The following ARHGEF37 variants were observed in gnomAD, a reference collection of about 807,000 sequenced individuals.
ARHGEF37 encodes the protein Rho guanine nucleotide exchange factor (GEF) 37.
ARHGEF37 carries 55 observed loss-of-function variants against 71.1 expected under a neutral mutation model. The ratio of observed to expected loss-of-function variants is 0.77; its 90% CI spans 0.62 to 0.97. The LOEUF (loss-of-function observed/expected upper bound fraction) is 0.97, where lower values mean the gene tolerates loss of function less well. Ranked by LOEUF, ARHGEF37 falls within the 50% of genes least tolerant of loss-of-function variation. ARHGEF37 has a pLI of 0.00. For missense variants in ARHGEF37, 765 were observed against 836.8 expected (o/e 0.91, Z 1.06); for synonymous variants, 327 against 350.6 (o/e 0.93, Z 0.75).
At chr5:149,593,831 G>A (rs1763476156) in intron 1 of ARHGEF37, among the ~76,000 whole-genome samples, 1 of 152,152 alleles carries the variant, frequency 6.6e-6, no homozygotes, top group Non-Finnish European at 1.5e-5. Context: ...AGGAGGAGGG[G>A]TTGCCCTTGC....
At position 149,609,652 on chromosome 5, in the gene ARHGEF37, C is replaced by T. The variant is rs191767825; in HGVS notation, c.415C>T (p.Pro139Ser). The change falls in exon 4 of 13, where the codon CCG (proline) becomes TCG (serine). Residue 139 changes from proline (P) to serine (S), a missense_variant. Pro to Ser is a moderately conservative substitution (Grantham distance 74). Coordinates refer to ENST00000333677, the MANE Select transcript of ARHGEF37 (RefSeq NM_001001669.3). ...ACTGGTGGACACGTACCGGAAGGAGCCGGAGCTGCAGCGGCACATCCAGGG... is the reference window on the plus strand; with the variant it reads ...ACTGGTGGACACGTACCGGAAGGAGTCGGAGCTGCAGCGGCACATCCAGGG... ...LLLVDTYRKE[P>S]ELQRHIQGIV... 887 of 1,612,774 alleles carry T rather than the reference C, an allele frequency of 5.5e-4. 7 individuals carry two copies. The African/African-American group carries it at 0.01, about 19-fold the overall frequency.
chr5:149,583,763 T>A (rs1763166058), intron 1 of ARHGEF37, among the ~76,000 whole-genome samples: 1 of 152,146 alleles, frequency 6.6e-6, no homozygotes, highest in Non-Finnish European at 1.5e-5. Context: ...AGAATTTGTT[T>A]ATTTGTTTGT....
At chr5:149,585,113 C>T (rs1448014053) in intron 1 of ARHGEF37, among the ~76,000 whole-genome samples, 2 of 152,174 alleles carry the variant, frequency 1.3e-5, no homozygotes, top group South Asian at 4.1e-4. Context: ...CACTTCATAA[C>T]TATTAGGATG....
At chr5:149,573,758 T>C (rs772131093) in intron 1 of ARHGEF37, among the ~76,000 whole-genome samples, 2 of 152,184 alleles carry the variant, frequency 1.3e-5, no homozygotes, top group Non-Finnish European at 2.9e-5. Context: ...GCACCATATA[T>C]ATATTTACAT....
In ARHGEF37 at chr5:149,618,753, A is replaced by G. The variant is rs927882493; in HGVS notation, c.790-185A>G. Among the ~76,000 whole-genome samples the G allele has an allele frequency of 2.6e-5, 4 of 152,184 alleles. No homozygotes were observed. The East Asian group carries it at 5.8e-4, about 22-fold the overall frequency. On this transcript the variant is annotated intron_variant, in intron 6 of 12. Coordinates refer to ENST00000333677, the MANE Select transcript of ARHGEF37 (RefSeq NM_001001669.3). ...AATGAACTGGGGCTCATGCTTGTGT[A>G]TCCGATTCCATGCTCTGAATGTAAA...
intron 1 of ARHGEF37, among the ~76,000 whole-genome samples, chr5:149,575,671 AT>A (rs751297275): frequency 0.027 from 2,935 of 106,774 alleles, 28 homozygotes; most frequent in East Asian, 0.14. Context: ...CCAAATGACT[AT>A]TTTTTTTTTT....
At chr5:149,566,178 A>T (rs1242042658) in intron 1 of ARHGEF37, among the ~76,000 whole-genome samples, 1 of 151,506 alleles carries the variant, frequency 6.6e-6, no homozygotes, top group Non-Finnish European at 1.5e-5. Context: ...GCTTTGGAAG[A>T]AGTTTAGACT....
chr5:149,617,783 G>T (rs1349331832), intron 5 of ARHGEF37, among the ~76,000 whole-genome samples: 1 of 152,208 alleles, frequency 6.6e-6, no homozygotes, highest in Non-Finnish European at 1.5e-5. Flanking sequence ...GGACCGGGAA[G>T]CGTGGCTCCC....
At chr5:149,612,084 G>T (rs1752202743) in intron 4 of ARHGEF37, among the ~76,000 whole-genome samples, 1 of 152,186 alleles carries the variant, frequency 6.6e-6, no homozygotes, top group Non-Finnish European at 1.5e-5. Flanking sequence ...GATATCTGAA[G>T]CTGTTCTGTA....
intron 2 of ARHGEF37, among the ~76,000 whole-genome samples, chr5:149,598,569 C>T (rs1763644781): frequency 6.6e-6 from 1 of 151,182 alleles, no homozygotes; most frequent in Admixed American, 6.6e-5. Flanking sequence ...GCGACTTGGC[C>T]TGGCCCTCTA....
chr5:149,625,263 TA>T (rs1752653016), intron 10 of ARHGEF37, among the ~76,000 whole-genome samples: 1 of 152,222 alleles, frequency 6.6e-6, no homozygotes, highest in Non-Finnish European at 1.5e-5. Flanking sequence ...TTATCTGTTC[TA>T]GTCACTTGTA....
chr5:149,628,782 C>G, intron 11 of ARHGEF37, 27 bp from the exon 12 acceptor site: 1 of 1,596,398 alleles, frequency 6.3e-7, no homozygotes, highest in Non-Finnish European at 8.5e-7. Context: ...TGGCCCGCAG[C>G]CTGCTAACCT....
intron 1 of ARHGEF37, among the ~76,000 whole-genome samples, chr5:149,561,713 G>A (rs1231880677): frequency 1.3e-5 from 2 of 151,992 alleles, no homozygotes; most frequent in Admixed American, 6.6e-5. Context: ...AGTCTGTCCC[G>A]GCAATATTTA....
chr5:149,558,737 G>GTA (rs1307628128), intron 1 of ARHGEF37, among the ~76,000 whole-genome samples: 3 of 82,568 alleles, frequency 3.6e-5, no homozygotes, highest in African/African-American at 5.9e-5. Context: ...GTGTGTGTGT[G>GTA]TATATATATT....
At chr5:149,587,638 CAAATAGTGTGCCTCT>C (rs1410866296) in intron 1 of ARHGEF37, among the ~76,000 whole-genome samples, 1 of 152,164 alleles carries the variant, frequency 6.6e-6, no homozygotes, top group African/African-American at 2.4e-5. Context: ...GCACTGCCAC[CAAATAGTGTGCCTCT>C]CTCTTACTTT....
intron 1 of ARHGEF37, among the ~76,000 whole-genome samples, chr5:149,554,593 T>A (rs1443336152): frequency 1.3e-5 from 2 of 151,996 alleles, no homozygotes; most frequent in Non-Finnish European, 2.9e-5. Context: ...CCTTTTCAAA[T>A]GTGATTTTAG....
chr5:149,627,300 TC>T, intron 11 of ARHGEF37, 29 bp downstream of exon 11: 1 of 1,601,354 alleles, frequency 6.2e-7, no homozygotes, highest in Non-Finnish European at 8.5e-7. Flanking sequence ...GCCCTTCTTC[TC>T]CTTCGGGGAA....
intron 4 of ARHGEF37, among the ~76,000 whole-genome samples, chr5:149,612,570 T>C (rs1752230254): frequency 6.6e-6 from 1 of 152,254 alleles, no homozygotes; most frequent in South Asian, 2.1e-4. Flanking sequence ...TATTATGATA[T>C]ATGACTGGAT....
At chr5:149,611,802 C>T (rs66748416) in intron 4 of ARHGEF37, among the ~76,000 whole-genome samples, 41,236 of 152,100 alleles carry the variant, frequency 0.27, 6,617 homozygotes, top group Admixed American at 0.44. Context: ...GCCATGCTCC[C>T]TTGTTATAAC....
Sources: allele counts gnomAD v4.1 joint callset (sites outside exome capture counted in the v4.1 genomes callset), GRCh38; gene constraint gnomAD v4.1.1; transcripts MANE v1.5; gene names NCBI Gene and HGNC (gene_info 2026-07-23, HGNC 2026-07-21).